GREB1L: variants seen among roughly 807,000 people sequenced by gnomAD.
GREB1L encodes the protein GREB1-like protein.
Under a neutral mutation model 200.8 loss-of-function variants are expected in GREB1L, and 17 were observed. The ratio of observed to expected loss-of-function variants is 0.08; its 90% CI spans 0.06 to 0.13. GREB1L has a LOEUF of 0.13. GREB1L is among the 10% of genes least tolerant of loss of function. The probability of loss-of-function intolerance (pLI) is 1.00; values close to 1 mark genes in which losing one functional copy is unlikely to be tolerated. For missense variants in GREB1L, 1,657 were observed against 2,367.7 expected, an observed-to-expected ratio of 0.70 and a Z score of 6.23; for synonymous variants, 789 against 893.0, an observed-to-expected ratio of 0.88 and a Z score of 2.08.
rs2033790729 is a variant in GREB1L, at chr18:21,439,728, T to G, written c.949+91T>G. ...TGTAATGAATTATCTGGCAACACAC[T>G]CTAGAGTTTTTTCTCAGTTCGTCAT... On this transcript the variant is annotated intron_variant, in intron 8 of 32. Transcript: ENST00000424526. 4.9e-6 allele frequency: 4 copies of G among 821,716 alleles called. No individual in the cohort carries two copies. The South Asian group carries it at 6.2e-5, about 13-fold the overall frequency. The allele number at this position is 821,716 out of a possible 1,614,324, so 50.9% of individuals were successfully genotyped here. A position where few individuals can be genotyped will look rare whatever the true frequency, so the allele number is the denominator to read the frequency against.
At chr18:21,281,118 A>G (rs1340502669) in intron 1 of GREB1L, among the ~76,000 whole-genome samples, 1 of 152,212 alleles carries the variant, frequency 6.6e-6, no homozygotes, top group African/African-American at 2.4e-5. Flanking sequence ...CTGGAAGTGA[A>G]GAAGGTATCT....
chr18:21,503,652 C>T (rs2036893956), intron 23 of GREB1L, among the ~76,000 whole-genome samples: 1 of 151,878 alleles, frequency 6.6e-6, no homozygotes, highest in Non-Finnish European at 1.5e-5. Flanking sequence ...TCTTGGCTCA[C>T]TGCAACCTCT....
intron 7 of GREB1L, among the ~76,000 whole-genome samples, chr18:21,407,124 C>T (rs2030354445): frequency 1.3e-5 from 2 of 152,132 alleles, no homozygotes; most frequent in African/African-American, 4.8e-5. Context: ...ATCCACCAGC[C>T]TTGGCTCCCA....
intron 6 of GREB1L, among the ~76,000 whole-genome samples, chr18:21,402,521 C>A (rs1474951552): frequency 2.1e-4 from 31 of 146,184 alleles, no homozygotes; most frequent in African/African-American, 7.6e-4. Flanking sequence ...CCTTTCCTTT[C>A]CCCTTCCTTT....
At position 21,499,952 on chromosome 18, in the gene GREB1L, C is replaced by T; in HGVS notation, c.3615C>T (p.Ser1205=). Residue 1205 remains serine, a synonymous_variant, in exon 22 of 33, where the codon TCC becomes TCT. Transcript: ENST00000424526. ...CCACCTCCAAGCCGTCATCATCATCCTCAGGACCCAGGACCCTCCCATGGC... is the reference window on the plus strand; with the variant it reads ...CCACCTCCAAGCCGTCATCATCATCTTCAGGACCCAGGACCCTCCCATGGC... ...SSTTSKPSSS[S]SGPRTLPWPG... 7.7e-6 allele frequency: 12 copies of T among 1,551,088 alleles called. No homozygotes were observed. The highest frequency in any genetic ancestry group is 1.0e-5 in the Non-Finnish European group (12 of 1,146,722).
rs1165460743 is a variant in GREB1L, at chr18:21,454,381, C to T, written c.2000C>T (p.Thr667Ile). 2 of 1,550,498 alleles carry T rather than the reference C, an allele frequency of 1.3e-6. No individual in the cohort carries two copies. Among genetic ancestry groups the T allele is most frequent in the Non-Finnish European group, 1.7e-6 (2 of 1,146,212 alleles). The change falls in exon 15 of 33, where the codon ACC becomes ATC. Residue 667 changes from threonine to isoleucine, a missense_variant. Thr to Ile is a moderately conservative substitution (Grantham distance 89). This residue lies in a region of GREB1L where 239 missense variants were observed against 421.8 expected (regional missense o/e 0.57). Transcript: ENST00000424526. ...TAAATTTTAGATTTAGATAATGAAA[C>T]CTTCCACATTTATCAACCGCAGCTA... ...PTQNLDLDNE[T>I]FHIYQPQLTV...
intron 21 of GREB1L, 30 bp downstream of exon 21, chr18:21,496,728 TGA>T (rs944922249): frequency 6.5e-7 from 1 of 1,545,498 alleles, no homozygotes; most frequent in Non-Finnish European, 8.7e-7. Context: ...TTTCATGGAG[TGA>T]GAGACATGAG....
In GREB1L at chr18:21,490,444, A is replaced by G; in HGVS notation, c.3030+93A>G. ...GGTGGCTCAGGGGCCTGAGTTTAATAGAATCACATGTGTGATTCCATGACA... is the reference window on the plus strand; with the variant it reads ...GGTGGCTCAGGGGCCTGAGTTTAATGGAATCACATGTGTGATTCCATGACA... On this transcript the variant is annotated intron_variant, in intron 19 of 32. Transcript: ENST00000424526. 8.1e-6 allele frequency: 8 copies of G among 985,834 alleles called. No homozygotes were observed. The South Asian group carries it at 1.3e-4, about 16-fold the overall frequency. 61.1% of individuals were successfully genotyped at this position (985,834 alleles called of 1,614,324 possible).
chr18:21,413,219 C>T (rs1247055395), intron 7 of GREB1L, among the ~76,000 whole-genome samples: 1 of 152,184 alleles, frequency 6.6e-6, no homozygotes, highest in African/African-American at 2.4e-5. Context: ...CTAACCTAGG[C>T]CTACCCTGCT....
At chr18:21,287,124 T>C (rs1172468903) in intron 1 of GREB1L, among the ~76,000 whole-genome samples, 1 of 152,206 alleles carries the variant, frequency 6.6e-6, no homozygotes, top group Non-Finnish European at 1.5e-5. Flanking sequence ...AACCCTCTAG[T>C]AGAGCAATTA....
chr18:21,482,049 A>G (rs890787583), intron 17 of GREB1L, among the ~76,000 whole-genome samples: 2 of 152,200 alleles, frequency 1.3e-5, no homozygotes, highest in Admixed American at 1.3e-4. Context: ...GGCTAAGTCA[A>G]AGTGATTAGA....
At chr18:21,338,040 T>A (rs1237738452) in intron 1 of GREB1L, among the ~76,000 whole-genome samples, 1 of 152,204 alleles carries the variant, frequency 6.6e-6, no homozygotes, top group Non-Finnish European at 1.5e-5. Flanking sequence ...TATGTTTGGT[T>A]AATCCTTACA....
At chr18:21,426,973 CA>C (rs56776768) in intron 7 of GREB1L, among the ~76,000 whole-genome samples, 23 of 83,808 alleles carry the variant, frequency 2.7e-4, no homozygotes, top group East Asian at 1.1e-3. Context: ...AAAAAAAAAA[CA>C]AAAAAAAAAA....
At chr18:21,323,815 AGGTGCT>A (rs1218758174) in intron 1 of GREB1L, among the ~76,000 whole-genome samples, 2 of 152,200 alleles carry the variant, frequency 1.3e-5, no homozygotes, top group African/African-American at 4.8e-5. Context: ...TGTGATGAAG[AGGTGCT>A]CTCACACATT....
At chr18:21,385,741 G>A (rs2040512784) in intron 4 of GREB1L, among the ~76,000 whole-genome samples, 1 of 152,170 alleles carries the variant, frequency 6.6e-6, no homozygotes, top group Non-Finnish European at 1.5e-5. Context: ...GTAACAAAAT[G>A]GAAGGTGAAA....
chr18:21,410,762 G>T (rs2030891285), intron 7 of GREB1L, among the ~76,000 whole-genome samples: 1 of 151,644 alleles, frequency 6.6e-6, no homozygotes, highest in Admixed American at 6.6e-5. Flanking sequence ...ATTGGGAGAT[G>T]ATATGTGTAA....
At chr18:21,496,407 G>A (rs779150022) in intron 20 of GREB1L, 47 bp from the exon 21 acceptor site, 29 of 1,546,582 alleles carry the variant, frequency 1.9e-5, no homozygotes, top group African/African-American at 6.8e-5. Flanking sequence ...TACACACTGC[G>A]TGCCTGGCCA....
intron 1 of GREB1L, among the ~76,000 whole-genome samples, chr18:21,359,910 A>T (rs1302664990): frequency 6.6e-6 from 1 of 152,194 alleles, no homozygotes; most frequent in Non-Finnish European, 1.5e-5. Flanking sequence ...ATCATCTCAA[A>T]TGTGTCATCT....
At chr18:21,373,087 G>A (rs565655409) in intron 2 of GREB1L, among the ~76,000 whole-genome samples, 2 of 152,104 alleles carry the variant, frequency 1.3e-5, no homozygotes, top group South Asian at 2.1e-4. Flanking sequence ...ATACCCTTTG[G>A]CAGGAATGCT....
Sources: allele counts gnomAD v4.1 joint callset (sites outside exome capture counted in the v4.1 genomes callset), GRCh38; gene constraint gnomAD v4.1.1; regional missense constraint gnomAD v4.1.1; transcripts MANE v1.5; gene names NCBI Gene and HGNC (gene_info 2026-07-23, HGNC 2026-07-21).